The following EDAR variants were observed in gnomAD, a reference collection of about 807,000 sequenced individuals.
EDAR encodes the protein tumor necrosis factor receptor superfamily member EDAR.
A neutral mutation model predicts 51.3 loss-of-function variants in EDAR; 38 were observed. The observed-to-expected ratio is 0.74, with a 90% CI of 0.57 to 0.97. The LOEUF (loss-of-function observed/expected upper bound fraction) is 0.97, where lower values mean the gene tolerates loss of function less well. Ranked by LOEUF, EDAR falls within the 50% of genes least tolerant of loss-of-function variation. EDAR has a pLI of 0.00. For missense variants in EDAR, 528 were observed against 595.0 expected (o/e 0.89, Z 1.17); for synonymous variants, 227 against 242.1 (o/e 0.94, Z 0.58).
chr2:108,979,428 C>G (rs1698383472), intron 1 of EDAR, among the ~76,000 whole-genome samples: 1 of 44,998 alleles, frequency 2.2e-5, no homozygotes, highest in African/African-American at 5.8e-5. Flanking sequence ...TGCTGTCTCT[C>G]TCTCTCTTTC....
Position 108,896,655 on chromosome 2 carries a change from A to C in EDAR, c.*252T>G, listed in dbSNP as rs938814773. ...AATGGTGGGCTGGTGGGCTGGCTGT[A>C]TGAGTGAGTAGATATTTACTCTGCC... On this transcript the variant is annotated 3_prime_UTR_variant, in exon 12 of 12. Coordinates refer to ENST00000258443, the MANE Select transcript of EDAR (RefSeq NM_022336.4). 3.9e-6 allele frequency: 2 copies of C among 519,480 alleles called. No homozygotes were observed. 32.2% of individuals were successfully genotyped at this position (519,480 alleles called of 1,614,324 possible). A position where few individuals can be genotyped will look rare whatever the true frequency, so the allele number is the denominator to read the frequency against.
At chr2:108,933,050 A>G (rs1028885186) in intron 1 of EDAR, among the ~76,000 whole-genome samples, 7 of 152,202 alleles carry the variant, frequency 4.6e-5, no homozygotes, top group Non-Finnish European at 8.8e-5. Context: ...CATTGCAACA[A>G]ATAAACACCC....
At chr2:108,927,654 A>C (rs1411980408) in intron 4 of EDAR, among the ~76,000 whole-genome samples, 1 of 152,056 alleles carries the variant, frequency 6.6e-6, no homozygotes, top group Admixed American at 6.5e-5. Flanking sequence ...CCCTTCTACT[A>C]CAGCGGCCCC....
At chr2:108,920,219 G>A (rs948186104) in intron 5 of EDAR, among the ~76,000 whole-genome samples, 5 of 152,254 alleles carry the variant, frequency 3.3e-5, no homozygotes, top group Non-Finnish European at 7.3e-5. Context: ...TGGCACTGGA[G>A]TAAGCACTCC....
At chr2:108,957,970 C>A (rs924505564) in intron 1 of EDAR, among the ~76,000 whole-genome samples, 1 of 152,130 alleles carries the variant, frequency 6.6e-6, no homozygotes. Flanking sequence ...AAATGAACTA[C>A]CAGCAGTTTA....
intron 1 of EDAR, among the ~76,000 whole-genome samples, chr2:108,946,543 A>G (rs1697717843): frequency 6.6e-6 from 1 of 152,228 alleles, no homozygotes; most frequent in South Asian, 2.1e-4. Flanking sequence ...ACACTGCTAT[A>G]AAGACTGGGT....
chr2:108,946,131 G>A (rs1328825630), intron 1 of EDAR, among the ~76,000 whole-genome samples: 2 of 152,142 alleles, frequency 1.3e-5, no homozygotes, highest in Non-Finnish European at 2.9e-5. Flanking sequence ...CCTGGCAGTC[G>A]TCCACACCCT....
intron 1 of EDAR, among the ~76,000 whole-genome samples, chr2:108,961,977 G>A (rs952995715): frequency 6.6e-6 from 1 of 152,224 alleles, no homozygotes; most frequent in Non-Finnish European, 1.5e-5. Context: ...GGGAAGCGCA[G>A]CTGTAAGATA....
At chr2:108,931,690 C>T (rs745664123) in intron 1 of EDAR, among the ~76,000 whole-genome samples, 7 of 152,134 alleles carry the variant, frequency 4.6e-5, no homozygotes, top group Non-Finnish European at 7.3e-5. Context: ...TAATATTACA[C>T]GAATGCATTC....
chr2:108,912,658 T>G lies in EDAR; in HGVS notation c.529+20A>C. On this transcript the variant is annotated intron_variant, in intron 6 of 11. Coordinates refer to ENST00000258443, the MANE Select transcript of EDAR (RefSeq NM_022336.4). ...GTACCACCTAACTCCAGGTGATCGATACCTGAGCACCCTCCTCACCTTTGT... is the reference window on the plus strand; with the variant it reads ...GTACCACCTAACTCCAGGTGATCGAGACCTGAGCACCCTCCTCACCTTTGT... 6.4e-7 allele frequency: 1 copy of G among 1,567,404 alleles called. No individual in the cohort carries two copies. The highest frequency in any genetic ancestry group is 1.2e-5 in the South Asian group (1 of 85,126).
At chr2:108,902,522 CCTAA>C (rs1420701277) in intron 11 of EDAR, among the ~76,000 whole-genome samples, 1 of 152,150 alleles carries the variant, frequency 6.6e-6, no homozygotes, top group African/African-American at 2.4e-5. Flanking sequence ...AGAAACACTT[CCTAA>C]CTTATTCTAT....
chr2:108,976,995 T>C (rs2104459393), intron 1 of EDAR, among the ~76,000 whole-genome samples: 1 of 152,112 alleles, frequency 6.6e-6, no homozygotes, highest in East Asian at 1.9e-4. Context: ...AATGCTAAGA[T>C]GAAAAGGTGT....
chr2:108,916,003 T>A (rs1697022161), intron 5 of EDAR, among the ~76,000 whole-genome samples: 5 of 152,238 alleles, frequency 3.3e-5, no homozygotes, highest in Middle Eastern at 3.4e-3. Flanking sequence ...GCGTTCCCCC[T>A]CACAGACCTT....
Position 108,941,503 on chromosome 2 carries a change from G to A in EDAR, c.-18-10471C>T, listed in dbSNP as rs147385885. ...TGTTCCCTTTGAGGGGCTTCCTGGCGACCCTTCCTGACCAGCTGGCAGCTG... is the reference window on the plus strand; with the variant it reads ...TGTTCCCTTTGAGGGGCTTCCTGGCAACCCTTCCTGACCAGCTGGCAGCTG... On this transcript the variant is annotated intron_variant, in intron 1 of 11. Coordinates refer to ENST00000258443, the MANE Select transcript of EDAR (RefSeq NM_022336.4). Among the ~76,000 whole-genome samples, 10 of 152,174 alleles carry A rather than the reference G, an allele frequency of 6.6e-5. No individual in the cohort carries two copies. In the East Asian group the frequency reaches 7.7e-4, roughly 12 times the overall value.
intron 5 of EDAR, among the ~76,000 whole-genome samples, chr2:108,919,922 T>C (rs1697105179): frequency 6.6e-6 from 1 of 152,214 alleles, no homozygotes; most frequent in South Asian, 2.1e-4. Context: ...TTAGCTATCT[T>C]GGTCTGGATG....
intron 1 of EDAR, among the ~76,000 whole-genome samples, chr2:108,933,183 G>T (rs1305521976): frequency 6.6e-6 from 1 of 152,226 alleles, no homozygotes; most frequent in Non-Finnish European, 1.5e-5. Flanking sequence ...GTTTCTAAAT[G>T]CATGAAAGCA....
intron 9 of EDAR, among the ~76,000 whole-genome samples, chr2:108,908,386 C>T (rs1696853388): frequency 1.3e-5 from 2 of 152,188 alleles, no homozygotes; most frequent in South Asian, 4.1e-4. Context: ...TATTTAATCC[C>T]AGTAAGCACC....
chr2:108,923,025 G>T (rs1349247483), intron 5 of EDAR, among the ~76,000 whole-genome samples: 2 of 152,176 alleles, frequency 1.3e-5, no homozygotes, highest in Non-Finnish European at 2.9e-5. Flanking sequence ...TTGCCTCTGT[G>T]ATCTCCTTTG....
chr2:108,913,459 A>G (rs1696968084), intron 5 of EDAR, among the ~76,000 whole-genome samples: 1 of 152,146 alleles, frequency 6.6e-6, no homozygotes, highest in Non-Finnish European at 1.5e-5. Flanking sequence ...AATTACATAG[A>G]GTAGGAATGT....
Sources: allele counts gnomAD v4.1 joint callset (sites outside exome capture counted in the v4.1 genomes callset), GRCh38; gene constraint gnomAD v4.1.1; transcripts MANE v1.5; gene names NCBI Gene and HGNC (gene_info 2026-07-23, HGNC 2026-07-21).